FAM181A: variants seen among roughly 807,000 people sequenced by gnomAD.
The protein encoded by FAM181A is protein FAM181A.
FAM181A carries 7 observed loss-of-function variants against 16.3 expected under a neutral mutation model. The observed-to-expected ratio is 0.43, with a 90% CI of 0.24 to 0.81. The LOEUF (loss-of-function observed/expected upper bound fraction) is 0.81. Ranked by LOEUF, FAM181A falls within the 30% of genes least tolerant of loss-of-function variation. The probability of loss-of-function intolerance (pLI) is 0.24; values close to 1 mark genes in which losing one functional copy is unlikely to be tolerated. For synonymous variants in FAM181A, 183 were observed against 164.9 expected, an observed-to-expected ratio of 1.11 and a Z score of -0.84; for missense variants, 349 against 377.5, an observed-to-expected ratio of 0.92 and a Z score of 0.63.
intron 1 of FAM181A, among the ~76,000 whole-genome samples, chr14:93,920,811 T>C (rs1160459415): frequency 6.6e-6 from 1 of 152,194 alleles, no homozygotes; most frequent in Admixed American, 6.5e-5. Context: ...TTCTTCAACA[T>C]AGAACTCTTT....
intron 1 of FAM181A, chr14:93,922,199 A>C (rs1366975775): frequency 1.3e-5 from 2 of 152,212 alleles, no homozygotes; most frequent in Admixed American, 6.5e-5. Flanking sequence ...ATCTCCTTTA[A>C]CATTTATTTT....
chr14:93,927,373 G>T lies in FAM181A; in HGVS notation c.-169G>T. ...AACTGCTTCCAGCCGGACGGAGCTC[G>T]GCCGGCTGCGCCGGGGCCTGTCCCA... is the stretch of plus-strand genomic sequence containing the variant. On this transcript the variant is annotated 5_prime_UTR_variant, in exon 1 of 2. Coordinates refer to ENST00000556222, the MANE Select transcript of FAM181A (RefSeq NM_001207073.2). The T allele has an allele frequency of 8.8e-7, 1 of 1,132,294 alleles. No individual in the cohort carries two copies. The highest frequency in any genetic ancestry group is 1.1e-6 in the Non-Finnish European group (1 of 911,920). The allele number at this position is 1,132,294 out of a possible 1,614,324, so 70.1% of individuals were successfully genotyped here.
upstream of FAM181A, chr14:93,925,027 C>T: frequency 7.9e-6 from 4 of 508,904 alleles, no homozygotes; most frequent in Admixed American, 4.1e-5. Context: ...TCTTTTCTTC[C>T]TTCTCTGTTT....
Position 93,927,371 on chromosome 14 carries a change from T to G in FAM181A, c.-171T>G. 8.8e-7 allele frequency: 1 copy of G among 1,133,268 alleles called. No homozygotes were observed. The highest frequency in any genetic ancestry group is 1.8e-5 in the South Asian group (1 of 54,916). The allele number at this position is 1,133,268 out of a possible 1,614,324, so 70.2% of individuals were successfully genotyped here. ...ACAACTGCTTCCAGCCGGACGGAGC[T>G]CGGCCGGCTGCGCCGGGGCCTGTCC... On this transcript the variant is annotated 5_prime_UTR_variant, in exon 1 of 2. Transcript: ENST00000556222.
upstream of FAM181A, among the ~76,000 whole-genome samples, chr14:93,924,201 G>A: frequency 6.6e-6 from 1 of 152,210 alleles, no homozygotes; most frequent in East Asian, 1.9e-4. Context: ...AAGGAGGTTA[G>A]ACTTCATCTT....
At chr14:93,925,443 A>G, upstream of FAM181A, 1 of 1,432,424 alleles carries the variant, frequency 7.0e-7, no homozygotes, top group Non-Finnish European at 9.5e-7. Flanking sequence ...CTCACACAGT[A>G]GGCAGCAGGG....
intron 1 of FAM181A, among the ~76,000 whole-genome samples, chr14:93,919,856 A>G (rs960155470): frequency 6.6e-6 from 1 of 151,888 alleles, no homozygotes; most frequent in African/African-American, 2.4e-5. Flanking sequence ...TAGCACTAAG[A>G]GGCCTACATT....
At chr14:93,927,691 C>G in intron 1 of FAM181A, 1 of 977,366 alleles carries the variant, frequency 1.0e-6, no homozygotes, top group Non-Finnish European at 1.2e-6. Flanking sequence ...GGGGGTGGAG[C>G]GTGGGGACTG....
chr14:93,928,163 C>T lies in FAM181A; in HGVS notation c.-87-36C>T, dbSNP rs770842347. 9.4e-6 allele frequency: 15 copies of T among 1,598,636 alleles called. No individual in the cohort carries two copies. In the East Asian group the frequency reaches 2.7e-4, roughly 29 times the overall value. On this transcript the variant is annotated intron_variant, in intron 1 of 1. Transcript: ENST00000556222. ...CTTTTGGGAGGGCTGGGTGTGGTTG[C>T]TTGGAGAGACTCCGATGGCCTGTTT...
At chr14:93,920,559 T>C (rs1221259113) in intron 1 of FAM181A, among the ~76,000 whole-genome samples, 16 of 152,254 alleles carry the variant, frequency 1.1e-4, no homozygotes, top group Admixed American at 1.0e-3. Context: ...ATAGTACAAA[T>C]TGTAAATAGG....
chr14:93,928,485 A>T lies in FAM181A; in HGVS notation c.200A>T (p.Tyr67Phe). ...CTTCCTGGCAGAGCTGCTGAGCCCTACCTGAAAAGGGGGTCTGAGGACCGG... is the reference window on the plus strand; with the variant it reads ...CTTCCTGGCAGAGCTGCTGAGCCCTTCCTGAAAAGGGGGTCTGAGGACCGG... ...RGLPGRAAEP[Y>F]LKRGSEDRPR... The change falls in exon 2 of 2, where the codon TAC (tyrosine) becomes TTC (phenylalanine). Residue 67 changes from tyrosine to phenylalanine, a missense_variant. Transcript: ENST00000556222. 6.2e-7 allele frequency: 1 copy of T among 1,610,168 alleles called. No individual in the cohort carries two copies. The highest frequency in any genetic ancestry group is 8.5e-7 in the Non-Finnish European group (1 of 1,177,204).
At chr14:93,921,858 G>A (rs755675041) in intron 1 of FAM181A, among the ~76,000 whole-genome samples, 1 of 152,124 alleles carries the variant, frequency 6.6e-6, no homozygotes, top group Admixed American at 6.5e-5. Context: ...ACTGCCCATG[G>A]GACCTTCAGC....
At chr14:93,927,871 G>A (rs1340164868) in intron 1 of FAM181A, among the ~76,000 whole-genome samples, 3 of 152,142 alleles carry the variant, frequency 2.0e-5, no homozygotes, top group Non-Finnish European at 2.9e-5. Flanking sequence ...GTGTGTGGGA[G>A]ATGGGGCAGG....
chr14:93,924,375 T>C (rs1330834820), upstream of FAM181A, among the ~76,000 whole-genome samples: 1 of 152,150 alleles, frequency 6.6e-6, no homozygotes, highest in Non-Finnish European at 1.5e-5. Context: ...CTTCTGTGGG[T>C]GTGTCACCAA....
upstream of FAM181A, chr14:93,925,109 C>T (rs1887851394): frequency 1.5e-5 from 9 of 605,576 alleles, no homozygotes; most frequent in Non-Finnish European, 2.3e-5. Flanking sequence ...GACACCAACT[C>T]ACCTCCCACG....
chr14:93,920,892 T>C (rs937926032), intron 1 of FAM181A, among the ~76,000 whole-genome samples: 2 of 152,230 alleles, frequency 1.3e-5, no homozygotes, highest in Admixed American at 1.3e-4. Context: ...TCCTGGGGCT[T>C]GAGTCCTCAG....
intron 1 of FAM181A, among the ~76,000 whole-genome samples, chr14:93,920,500 G>T (rs1489889450): frequency 1.3e-5 from 2 of 151,958 alleles, no homozygotes; most frequent in African/African-American, 4.8e-5. Context: ...GGGAGGAAAA[G>T]ACAGAAAAGC....
chr14:93,928,138 CT>C, intron 1 of FAM181A, 60 bp from the exon 2 acceptor site: 1 of 1,576,214 alleles, frequency 6.3e-7, no homozygotes. Flanking sequence ...GTGCTGTGGT[CT>C]TTTGGGAGGG....
At chr14:93,925,925 GAGC>G (rs1339864591), upstream of FAM181A, among the ~76,000 whole-genome samples, 1 of 152,000 alleles carries the variant, frequency 6.6e-6, no homozygotes, top group East Asian at 1.9e-4. Flanking sequence ...CAGTGGGAAG[GAGC>G]AGGGCCATCA....
Sources: gnomAD v4.1 joint callset for allele counts (sites outside exome capture counted in the v4.1 genomes callset) on GRCh38, gnomAD v4.1.1 for gene constraint, MANE v1.5 for transcripts, NCBI Gene and HGNC (gene_info 2026-07-23, HGNC 2026-07-21) for gene names.